Variants in PRDM10 observed in about 807,000 individuals in gnomAD.
PRDM10 encodes the protein PR/SET domain 10.
In PRDM10, 65 loss-of-function variants were observed where a neutral mutation model predicts 133.1. The observed-to-expected ratio is 0.49, with a 90% CI of 0.40 to 0.60. The LOEUF (loss-of-function observed/expected upper bound fraction) is 0.60. Among genes scored for constraint, PRDM10 ranks in the 20% least tolerant of loss-of-function variants. The probability of loss-of-function intolerance (pLI) is 0.00; values close to 1 mark genes in which losing one functional copy is unlikely to be tolerated. For missense variants in PRDM10, 1,137 were observed against 1,507.1 expected, an observed-to-expected ratio of 0.75 and a Z score of 4.07; for synonymous variants, 582 against 580.4, an observed-to-expected ratio of 1.00 and a Z score of -0.04.
intron 13 of PRDM10, among the ~76,000 whole-genome samples, chr11:129,920,681 C>T (rs1246405910): frequency 6.6e-6 from 1 of 151,754 alleles, no homozygotes; most frequent in Non-Finnish European, 1.5e-5. Flanking sequence ...TGCCAATATT[C>T]CTCCCTCACT....
Position 129,931,100 on chromosome 11 carries a change from G to T in PRDM10, c.1446C>A (p.His482Gln). ...LEHEPETHTL[H>Q]LQPQHEESVV... ...CGCTCTCTTCATGCTGCGGCTGCAG[G>T]TGCAGGGTGTGAGTTTCTGGTTCAT... Residue 482 changes from histidine (H) to glutamine (Q), a missense_variant, in exon 11 of 21, where the codon CAC (histidine) becomes CAA (glutamine). By Grantham distance (24) the His-to-Gln change is conservative. Transcript: ENST00000360871. 6.2e-7 allele frequency: 1 copy of T among 1,614,154 alleles called. No homozygotes were observed. The highest frequency in any genetic ancestry group is 8.5e-7 in the Non-Finnish European group (1 of 1,179,946).
chr11:129,915,115 A>C (rs1425319452), intron 16 of PRDM10, 97 bp from the exon 17 acceptor site: 2 of 1,324,290 alleles, frequency 1.5e-6, no homozygotes, highest in Non-Finnish European at 2.1e-6. Flanking sequence ...AAAGTCTTTT[A>C]TGTCTTAAAA....
intron 6 of PRDM10, among the ~76,000 whole-genome samples, 195 bp from the exon 7 acceptor site, chr11:129,942,824 T>A (rs1951258481): frequency 6.6e-6 from 1 of 152,186 alleles, no homozygotes; most frequent in Admixed American, 6.5e-5. Context: ...AAGCCTCAAC[T>A]GTAGGAAAAT....
intron 13 of PRDM10, among the ~76,000 whole-genome samples, chr11:129,920,916 GC>G (rs1386075957): frequency 6.6e-6 from 1 of 152,070 alleles, no homozygotes; most frequent in African/African-American, 2.4e-5. Flanking sequence ...TCCTGCCTCA[GC>G]CTCCTGAGTA....
chr11:129,949,398 T>C (rs982950326), intron 4 of PRDM10, among the ~76,000 whole-genome samples: 10 of 152,226 alleles, frequency 6.6e-5, no homozygotes, highest in Admixed American at 5.2e-4. Context: ...TTAGTATTAA[T>C]CATTATTATC....
At chr11:129,907,149 A>C (rs1464357613) in intron 19 of PRDM10, among the ~76,000 whole-genome samples, 1 of 152,208 alleles carries the variant, frequency 6.6e-6, no homozygotes, top group Non-Finnish European at 1.5e-5. Flanking sequence ...CAGGAGGAAA[A>C]AAACAAACTG....
intron 20 of PRDM10, among the ~76,000 whole-genome samples, chr11:129,903,821 C>T (rs1949923552): frequency 6.6e-6 from 1 of 152,024 alleles, no homozygotes; most frequent in African/African-American, 2.4e-5. Flanking sequence ...ACCTAGGGTC[C>T]ATTGACTCCT....
At chr11:129,958,159 T>C (rs1046806711) in intron 2 of PRDM10, among the ~76,000 whole-genome samples, 1 of 152,122 alleles carries the variant, frequency 6.6e-6, no homozygotes, top group Non-Finnish European at 1.5e-5. Context: ...TGGGGAGTAA[T>C]AAGGGCGTGG....
intron 1 of PRDM10, among the ~76,000 whole-genome samples, chr11:129,995,961 G>C (rs1193704428): frequency 2.1e-5 from 3 of 144,782 alleles, no homozygotes; most frequent in African/African-American, 7.9e-5. Flanking sequence ...CAAAAGAAAA[G>C]AAAAGAAAAA....
rs58594097 is a variant in PRDM10, at chr11:129,905,881, G to C, written c.3164-140C>G. On this transcript the variant is annotated intron_variant, in intron 19 of 20. Coordinates refer to ENST00000360871, the MANE Select transcript of PRDM10 (RefSeq NM_199437.2). ...CACAATGATGTGATTTCTTGGTGCC[G>C]TGAAAGCATCTCTGCTACGAATTGA... The C allele has an allele frequency of 2.0e-3, 1,462 of 729,966 alleles. 8 individuals carry two copies. The highest frequency in any genetic ancestry group is 2.8e-3 in the Non-Finnish European group (1,187 of 430,390). The allele number at this position is 729,966 out of a possible 1,614,324, so 45.2% of individuals were successfully genotyped here. A position where few individuals can be genotyped will look rare whatever the true frequency, so the allele number is the denominator to read the frequency against.
At chr11:129,903,531 C>T (rs184016904) in intron 20 of PRDM10, among the ~76,000 whole-genome samples, 1 of 152,196 alleles carries the variant, frequency 6.6e-6, no homozygotes, top group South Asian at 2.1e-4. Context: ...ATCATGAAAA[C>T]GTCTTCGTGA....
At chr11:129,970,477 C>T (rs1358697674) in intron 1 of PRDM10, among the ~76,000 whole-genome samples, 6 of 152,160 alleles carry the variant, frequency 3.9e-5, no homozygotes, top group African/African-American at 1.4e-4. Context: ...ACTAAGAACA[C>T]TGGACCCTGC....
At position 129,915,824 on chromosome 11, in the gene PRDM10, G is replaced by T; in HGVS notation, c.2362C>A (p.Leu788Met). The change falls in exon 16 of 21, where the codon CTG (leucine) becomes ATG (methionine). Residue 788 changes from leucine to methionine, a missense_variant. Leu to Met is a conservative substitution (Grantham distance 15). This residue lies in a region of PRDM10 where 65 missense variants were observed against 151.1 expected (regional missense o/e 0.43). Transcript: ENST00000360871. ...AGCTCTGCTCCTGGGTGGTTCTTCA[G>T]AATGTGGGCTTTGCGCTTGCTGGCA... ...KSASKRKAHI[L>M]KNHPGAELPP... 1 of 1,614,220 alleles carries T rather than the reference G, an allele frequency of 6.2e-7. No homozygotes were observed. The highest frequency in any genetic ancestry group is 8.5e-7 in the Non-Finnish European group (1 of 1,180,036).
At position 129,955,526 on chromosome 11, in the gene PRDM10, C is replaced by T. The variant is rs772942611; in HGVS notation, c.280G>A (p.Ala94Thr). Residue 94 changes from alanine (A) to threonine (T), a missense_variant, in exon 4 of 21, where the codon GCT (alanine) becomes ACT (threonine). Transcript: ENST00000360871. Reference protein sequence around the residue: ...PGQVAYVQQDATAQQASLPVH... With the variant: ...PGQVAYVQQDTTAQQASLPVH... ...CAGTTCGTTACCTGCTGAGCTGTAG[C>T]ATCCTGTTGGACATAAGCTACCTGG... The T allele has an allele frequency of 1.2e-6, 2 of 1,614,074 alleles. No individual in the cohort carries two copies. Among genetic ancestry groups the T allele is most frequent in the South Asian group, 2.2e-5 (2 of 91,056 alleles).
intron 1 of PRDM10, among the ~76,000 whole-genome samples, chr11:129,972,476 TAAATG>T (rs1952053943): frequency 6.6e-6 from 1 of 152,266 alleles, no homozygotes; most frequent in South Asian, 2.1e-4. Context: ...TGATTTCTCT[TAAATG>T]AAAGACACCT....
intron 1 of PRDM10, among the ~76,000 whole-genome samples, chr11:129,968,002 G>A (rs886694514): frequency 4.6e-5 from 7 of 152,074 alleles, no homozygotes; most frequent in African/African-American, 1.4e-4. Flanking sequence ...AGGGACTTAG[G>A]ATGCAGGAGC....
intron 1 of PRDM10, among the ~76,000 whole-genome samples, chr11:129,988,420 CG>C (rs1565513769): frequency 6.6e-6 from 1 of 151,962 alleles, no homozygotes; most frequent in African/African-American, 2.4e-5. Context: ...TGGGTAGAGA[CG>C]GGGTTTCGCC....
chr11:129,944,780 A>C lies in PRDM10; in HGVS notation c.753T>G (p.Ile251Met). ...VRGSELKDCY[I>M]HLKVSLDKGD... ...ATAGAGCATAAATTACCTTGAGGTG[A>C]ATGTAACAGTCTTTCAGCTCCGAGC... Residue 251 changes from isoleucine to methionine, a missense_variant, in exon 6 of 21, where the codon ATT becomes ATG. Ile to Met is a conservative substitution (Grantham distance 10). This residue lies in a region of PRDM10 where 635 missense variants were observed against 835.2 expected (regional missense o/e 0.76). Transcript: ENST00000360871. 1 of 1,613,786 alleles carries C rather than the reference A, an allele frequency of 6.2e-7. No homozygotes were observed. The highest frequency in any genetic ancestry group is 1.1e-5 in the South Asian group (1 of 91,072).
intron 1 of PRDM10, among the ~76,000 whole-genome samples, chr11:129,971,037 G>C (rs1366517000): frequency 6.6e-6 from 1 of 152,026 alleles, no homozygotes; most frequent in Non-Finnish European, 1.5e-5. Context: ...AGCTCTTAAG[G>C]TGGCACGTCT....
Sources: allele counts gnomAD v4.1 joint callset (sites outside exome capture counted in the v4.1 genomes callset), GRCh38; gene constraint gnomAD v4.1.1; regional missense constraint gnomAD v4.1.1; transcripts MANE v1.5; gene names NCBI Gene and HGNC (gene_info 2026-07-23, HGNC 2026-07-21).